EPHA5: variants seen among roughly 807,000 people sequenced by gnomAD.
EPHA5 encodes ephrin type-A receptor 5.
In EPHA5, 60 loss-of-function variants were observed where a neutral mutation model predicts 105.0. The observed-to-expected ratio is 0.57, with a 90% confidence interval of 0.46 to 0.71. The LOEUF (loss-of-function observed/expected upper bound fraction) is 0.71, where lower values mean the gene tolerates loss of function less well. Ranked by LOEUF, EPHA5 falls within the 30% of genes least tolerant of loss-of-function variation. The probability of loss-of-function intolerance (pLI) is 0.00; values close to 1 mark genes in which losing one functional copy is unlikely to be tolerated. For missense variants in EPHA5, 1,218 were observed against 1,274.7 expected (o/e 0.96, Z 0.68); for synonymous variants, 513 against 449.1 (o/e 1.14, Z -1.80).
At chr4:65,566,038 A>T (rs1159760208) in intron 3 of EPHA5, among the ~76,000 whole-genome samples, 1 of 151,670 alleles carries the variant, frequency 6.6e-6, no homozygotes, top group Non-Finnish European at 1.5e-5. Context: ...TATCCTTTCA[A>T]ACTTGTCTTT....
intron 3 of EPHA5, among the ~76,000 whole-genome samples, chr4:65,577,890 A>G (rs1578477957): frequency 6.6e-6 from 1 of 152,274 alleles, no homozygotes; most frequent in Middle Eastern, 3.4e-3. Context: ...TATGTGACTG[A>G]TTAGACTAGA....
intron 8 of EPHA5, among the ~76,000 whole-genome samples, chr4:65,397,341 C>T (rs1192991110): frequency 6.6e-6 from 1 of 152,164 alleles, no homozygotes; most frequent in African/African-American, 2.4e-5. Context: ...CTCAGGAACA[C>T]ATCTAACCCA....
intron 5 of EPHA5, among the ~76,000 whole-genome samples, chr4:65,421,638 A>T (rs1336377711): frequency 6.6e-6 from 1 of 152,104 alleles, no homozygotes; most frequent in African/African-American, 2.4e-5. Flanking sequence ...TTTTAGATTT[A>T]CTTATTTCTT....
At chr4:65,414,555 G>T in intron 6 of EPHA5, 112 bp from the exon 7 acceptor site, 1 of 1,133,454 alleles carries the variant, frequency 8.8e-7, no homozygotes, top group Non-Finnish European at 1.3e-6. Context: ...GACTCTATTA[G>T]TACAAATATA....
At chr4:65,620,528 C>T (rs972131722) in intron 2 of EPHA5, among the ~76,000 whole-genome samples, 5 of 152,264 alleles carry the variant, frequency 3.3e-5, no homozygotes, top group African/African-American at 9.6e-5. Context: ...TACATATTCA[C>T]ATTTTCAGCA....
rs778735448 is a variant in EPHA5, at chr4:65,322,367, A to G, written c.*1747T>C. 35 of 224,588 alleles carry G rather than the reference A, an allele frequency of 1.6e-4. No homozygotes were observed. Among genetic ancestry groups the G allele is most frequent in the Non-Finnish European group, 2.4e-4 (27 of 112,578 alleles). The allele number at this position is 224,588 out of a possible 1,614,324, so 13.9% of individuals were successfully genotyped here. A position where few individuals can be genotyped will look rare whatever the true frequency, so the allele number is the denominator to read the frequency against. ...AAAACAAGTGCTTGGAAAAAAGAAT[A>G]CCATTAATATAACGTGGCTATATTT... On this transcript the variant is annotated 3_prime_UTR_variant, in exon 17 of 17. Coordinates refer to ENST00000613740, the MANE Select transcript of EPHA5 (RefSeq NM_001281766.3).
In EPHA5 at chr4:65,348,101, C is replaced by G. The variant is rs2148842073; in HGVS notation, c.2548G>C (p.Val850Leu). The G allele has an allele frequency of 6.2e-7, 1 of 1,613,124 alleles. No individual in the cohort carries two copies. Among genetic ancestry groups the G allele is most frequent in the South Asian group, 1.1e-5 (1 of 90,978 alleles). Residue 850 changes from valine (V) to leucine (L), a missense_variant, in exon 14 of 17, where the codon GTT (valine) becomes CTT (leucine). By Grantham distance (32) the Val-to-Leu change is conservative. Around this residue, in one of 3 missense-constraint regions of EPHA5, gnomAD observed 971 missense variants for 1,013.5 expected, o/e 0.96. Transcript: ENST00000613740. The part of the protein sequence containing the change: ...VWSYGIVMWE[V>L]VSYGERPYWE... ...TAGGGTCTCTCTCCATAAGACACAA[C>G]TTCCCACATTACTATTCCATAACTC...
At chr4:65,413,177 A>T (rs1304117363) in intron 7 of EPHA5, among the ~76,000 whole-genome samples, 1 of 152,132 alleles carries the variant, frequency 6.6e-6, no homozygotes, top group East Asian at 1.9e-4. Context: ...TAGTAAGAAA[A>T]GAAAATTTTC....
intron 5 of EPHA5, among the ~76,000 whole-genome samples, chr4:65,472,431 G>A (rs185180838): frequency 2.0e-5 from 3 of 152,162 alleles, no homozygotes; most frequent in African/African-American, 4.8e-5. Flanking sequence ...TGGGTGCTCC[G>A]ACCCCACATT....
chr4:65,370,986 C>T (rs186404370), intron 8 of EPHA5, among the ~76,000 whole-genome samples: 2,348 of 152,228 alleles, frequency 0.015, 33 homozygotes, highest in Middle Eastern at 0.037. Context: ...GTATCATGTT[C>T]TGTACCTGCT....
chr4:65,399,393 C>T lies in EPHA5; in HGVS notation c.1793+4981G>A, dbSNP rs146956941. On this transcript the variant is annotated intron_variant, in intron 8 of 16. Coordinates refer to ENST00000613740, the MANE Select transcript of EPHA5 (RefSeq NM_001281766.3). ...GCCCTTTGCAATTGTGGGATTCAGG[C>T]TGGTAACACAAGATGAGTGCAGCCT... Among the ~76,000 whole-genome samples the T allele has an allele frequency of 4.6e-5, 7 of 152,292 alleles. No homozygotes were observed. The East Asian group carries it at 1.4e-3, about 29-fold the overall frequency.
intron 5 of EPHA5, among the ~76,000 whole-genome samples, chr4:65,422,203 T>G (rs1422150824): frequency 2.0e-5 from 3 of 152,044 alleles, no homozygotes; most frequent in Non-Finnish European, 4.4e-5. Flanking sequence ...GAGCTCAGAA[T>G]AGGTCAGGGA....
At chr4:65,391,661 C>T (rs1284913483) in intron 8 of EPHA5, among the ~76,000 whole-genome samples, 1 of 152,034 alleles carries the variant, frequency 6.6e-6, no homozygotes, top group African/African-American at 2.4e-5. Context: ...GTGTAAAATT[C>T]CCAGAAACCT....
intron 3 of EPHA5, among the ~76,000 whole-genome samples, chr4:65,517,750 A>G (rs540007403): frequency 2.0e-5 from 3 of 151,854 alleles, no homozygotes; most frequent in Non-Finnish European, 4.4e-5. Flanking sequence ...TTTTGCCTAT[A>G]CCTCACATTT....
At chr4:65,331,075 TAAC>T (rs1720568054) in intron 16 of EPHA5, 1 of 1,042,954 alleles carries the variant, frequency 9.6e-7, no homozygotes, top group East Asian at 5.6e-5. Flanking sequence ...ACAAATAAAA[TAAC>T]AACTATGGTT....
chr4:65,331,020 A>G (rs1720563332), intron 16 of EPHA5: 1 of 1,044,666 alleles, frequency 9.6e-7, no homozygotes, highest in Admixed American at 5.6e-5. Flanking sequence ...TGTCAGAATA[A>G]TAGAGATGGG....
chr4:65,388,645 G>A (rs1262632209), intron 8 of EPHA5, among the ~76,000 whole-genome samples: 1 of 134,640 alleles, frequency 7.4e-6, no homozygotes, highest in Non-Finnish European at 1.6e-5. Flanking sequence ...CATATCCTTT[G>A]CCCACTTTTT....
chr4:65,407,871 T>G (rs1578041264), intron 7 of EPHA5, among the ~76,000 whole-genome samples: 1 of 152,070 alleles, frequency 6.6e-6, no homozygotes, highest in African/African-American at 2.4e-5. Flanking sequence ...TCCTCCCACC[T>G]CAACCTTCCG....
chr4:65,559,998 C>T (rs1390314003), intron 3 of EPHA5, among the ~76,000 whole-genome samples: 3 of 152,104 alleles, frequency 2.0e-5, no homozygotes, highest in Non-Finnish European at 2.9e-5. Context: ...AATCTGTAAA[C>T]AATCAATGGG....
Sources: gnomAD v4.1 joint callset for allele counts (sites outside exome capture counted in the v4.1 genomes callset) on GRCh38, gnomAD v4.1.1 for gene constraint, gnomAD v4.1.1 regional missense constraint, MANE v1.5 for transcripts, NCBI Gene and HGNC (gene_info 2026-07-23, HGNC 2026-07-21) for gene names.